Variants in EYS observed in about 807,000 individuals in gnomAD.
The protein encoded by EYS is protein eyes shut homolog.
EYS carries 250 observed loss-of-function variants against 282.1 expected under a neutral mutation model. The observed-to-expected ratio is 0.89, with a 90% CI of 0.80 to 0.98. The LOEUF (loss-of-function observed/expected upper bound fraction) is 0.98. Ranked by LOEUF, EYS falls within the 50% of genes least tolerant of loss-of-function variation. EYS has a pLI of 0.00. For missense variants in EYS, 4,016 were observed against 3,709.0 expected (o/e 1.08, Z -2.15); for synonymous variants, 1,355 against 1,282.9 (o/e 1.06, Z -1.20).
At chr6:64,480,239 G>A (rs1332011768) in intron 26 of EYS, among the ~76,000 whole-genome samples, 1 of 151,808 alleles carries the variant, frequency 6.6e-6, no homozygotes, top group African/African-American at 2.4e-5. Context: ...TTATGGGTGT[G>A]AACCATTCAT....
intron 1 of EYS, among the ~76,000 whole-genome samples, chr6:65,693,967 T>C (rs947366582): frequency 3.3e-5 from 5 of 150,390 alleles, no homozygotes; most frequent in African/African-American, 1.2e-4. Flanking sequence ...TTTGATGCTA[T>C]AGTCACCTGA....
chr6:64,471,898 T>C (rs1310046072), intron 26 of EYS, among the ~76,000 whole-genome samples: 2 of 152,198 alleles, frequency 1.3e-5, no homozygotes, highest in Non-Finnish European at 2.9e-5. Flanking sequence ...TAGTCTTCAA[T>C]AGCACAGTAG....
chr6:63,799,940 C>T (rs541096151), intron 37 of EYS, among the ~76,000 whole-genome samples: 1 of 152,310 alleles, frequency 6.6e-6, no homozygotes, highest in Admixed American at 6.5e-5. Context: ...AGCGATGGAT[C>T]TCAGGTAGCA....
chr6:64,325,299 A>G (rs1770371809), intron 29 of EYS, among the ~76,000 whole-genome samples: 1 of 152,180 alleles, frequency 6.6e-6, no homozygotes, highest in Non-Finnish European at 1.5e-5. Context: ...GTGTAGCTAG[A>G]TCCAGAAGAG....
intron 31 of EYS, among the ~76,000 whole-genome samples, chr6:64,161,855 T>C (rs1366820404): frequency 6.6e-6 from 1 of 152,194 alleles, no homozygotes; most frequent in Non-Finnish European, 1.5e-5. Context: ...CTCCATTTAC[T>C]GTAATTTCTA....
chr6:64,609,235 A>T (rs1249544181), intron 24 of EYS, among the ~76,000 whole-genome samples: 1 of 152,156 alleles, frequency 6.6e-6, no homozygotes, highest in African/African-American at 2.4e-5. Flanking sequence ...AGAAAAAAAG[A>T]GTTACCTAAG....
chr6:65,365,728 T>G (rs887718779), intron 8 of EYS, among the ~76,000 whole-genome samples: 1 of 151,636 alleles, frequency 6.6e-6, no homozygotes, highest in African/African-American at 2.4e-5. Context: ...GAGAGAGATT[T>G]TCCTGAAAGA....
At chr6:65,360,260 C>A (rs1404545973) in intron 8 of EYS, among the ~76,000 whole-genome samples, 1 of 151,808 alleles carries the variant, frequency 6.6e-6, no homozygotes, top group Non-Finnish European at 1.5e-5. Flanking sequence ...ATGTAATGAT[C>A]TTTCAAAAAG....
In EYS at chr6:64,590,336, G is replaced by T; in HGVS notation, c.5531C>A (p.Pro1844His). ...SSEWSKWELQ[P>H]SVQYQEFPTA... is the part of the protein sequence containing the mutation. The stretch of plus-strand genomic sequence containing the variant: ...GGGAAATTCCTGATATTGCACACTA[G>T]GCTGAAGTTCCCATTTGGACCATTC... The change falls in exon 26 of 43, where the codon CCT becomes CAT. Residue 1844 changes from proline (P) to histidine (H), a missense_variant. Coordinates refer to ENST00000503581, the MANE Select transcript of EYS (RefSeq NM_001142800.2). 6.4e-7 allele frequency: 1 copy of T among 1,551,248 alleles called. No individual in the cohort carries two copies. The highest frequency in any genetic ancestry group is 8.7e-7 in the Non-Finnish European group (1 of 1,146,642).
At chr6:64,851,504 T>G (rs1765884271) in intron 19 of EYS, among the ~76,000 whole-genome samples, 1 of 152,230 alleles carries the variant, frequency 6.6e-6, no homozygotes, top group Middle Eastern at 3.4e-3. Context: ...GATTTGATGT[T>G]ATTTAGATTA....
intron 2 of EYS, among the ~76,000 whole-genome samples, chr6:65,594,014 T>C (rs943036401): frequency 6.6e-6 from 1 of 152,030 alleles, no homozygotes; most frequent in East Asian, 1.9e-4. Flanking sequence ...ATAGACATGA[T>C]ACAACCCCAG....
At chr6:64,939,851 C>A (rs1769030665) in intron 15 of EYS, among the ~76,000 whole-genome samples, 1 of 151,966 alleles carries the variant, frequency 6.6e-6, no homozygotes, top group African/African-American at 2.4e-5. Context: ...CATAGAACAT[C>A]AGTATCAGAC....
At chr6:65,006,260 A>T (rs73765714) in intron 13 of EYS, among the ~76,000 whole-genome samples, 2,579 of 124,296 alleles carry the variant, frequency 0.021, 80 homozygotes, top group African/African-American at 0.067. Context: ...ATTAATAGTT[A>T]AAAAAAAAAA....
chr6:64,477,900 C>G (rs901251021), intron 26 of EYS, among the ~76,000 whole-genome samples: 1 of 152,054 alleles, frequency 6.6e-6, no homozygotes, highest in African/African-American at 2.4e-5. Flanking sequence ...TATTTGTTGG[C>G]TCAATGGGTC....
At chr6:65,056,199 G>T (rs1052012498) in intron 13 of EYS, among the ~76,000 whole-genome samples, 1 of 151,792 alleles carries the variant, frequency 6.6e-6, no homozygotes, top group South Asian at 2.1e-4. Context: ...CCATTGGCTC[G>T]CTTTGACTTA....
intron 12 of EYS, among the ~76,000 whole-genome samples, chr6:65,289,975 T>G (rs2150282192): frequency 6.6e-6 from 1 of 151,304 alleles, no homozygotes; most frequent in Middle Eastern, 3.4e-3. Context: ...AATTTAGAAG[T>G]CTTTTCTTTC....
intron 12 of EYS, among the ~76,000 whole-genome samples, chr6:65,162,199 G>A (rs978639556): frequency 1.5e-4 from 22 of 151,324 alleles, no homozygotes; most frequent in Admixed American, 4.0e-4. Flanking sequence ...GTTTCTCCAT[G>A]TATAAATGGA....
chr6:64,113,847 T>A (rs959002161), intron 31 of EYS, among the ~76,000 whole-genome samples: 2 of 152,224 alleles, frequency 1.3e-5, no homozygotes, highest in Non-Finnish European at 2.9e-5. Context: ...CGAAAGTTGC[T>A]AACATCAGTC....
At chr6:65,362,146 G>T (rs1717697819) in intron 8 of EYS, among the ~76,000 whole-genome samples, 1 of 151,934 alleles carries the variant, frequency 6.6e-6, no homozygotes, top group African/African-American at 2.4e-5. Flanking sequence ...CCAAGTATTT[G>T]ATTTTCTCAT....
Sources: allele counts gnomAD v4.1 joint callset (sites outside exome capture counted in the v4.1 genomes callset), GRCh38; gene constraint gnomAD v4.1.1; transcripts MANE v1.5; gene names NCBI Gene and HGNC (gene_info 2026-07-23, HGNC 2026-07-21).